Variants in ATP2B2 observed in about 807,000 individuals in gnomAD.
The protein encoded by ATP2B2 is plasma membrane calcium-transporting ATPase 2.
A neutral mutation model predicts 120.0 loss-of-function variants in ATP2B2; 15 were observed. That is an observed-to-expected ratio of 0.12 (90% confidence interval 0.08 to 0.19). The LOEUF (loss-of-function observed/expected upper bound fraction) is 0.19, where lower values mean the gene tolerates loss of function less well. Among genes scored for constraint, ATP2B2 ranks in the 10% least tolerant of loss-of-function variants. The pLI is 1.00. For missense variants in ATP2B2, 1,045 were observed against 1,719.8 expected (o/e 0.61, Z 6.94); for synonymous variants, 694 against 700.3 (o/e 0.99, Z 0.14).
chr3:10,411,969 C>T (rs1377521465), intron 2 of ATP2B2, among the ~76,000 whole-genome samples: 1 of 152,240 alleles, frequency 6.6e-6, no homozygotes, highest in Non-Finnish European at 1.5e-5. Context: ...CTCTCACGCA[C>T]CTGCTCAAAG....
chr3:10,330,489 C>G (rs910336801), intron 22 of ATP2B2, among the ~76,000 whole-genome samples: 1 of 152,226 alleles, frequency 6.6e-6, no homozygotes, highest in Non-Finnish European at 1.5e-5. Context: ...ACAAAGGTGC[C>G]TCCTCCTCTC....
intron 1 of ATP2B2, among the ~76,000 whole-genome samples, chr3:10,640,760 C>A (rs766831397): frequency 6.6e-6 from 1 of 152,034 alleles, no homozygotes; most frequent in Non-Finnish European, 1.5e-5. Context: ...TCCAGGCAGA[C>A]AAGAGTAACA....
chr3:10,422,229 T>C (rs1006510080), intron 2 of ATP2B2, among the ~76,000 whole-genome samples: 3 of 152,164 alleles, frequency 2.0e-5, no homozygotes, highest in African/African-American at 7.2e-5. Context: ...CACACATGGG[T>C]GGCCACGTGC....
At chr3:10,501,934 G>A (rs2066411904) in intron 1 of ATP2B2, among the ~76,000 whole-genome samples, 1 of 152,150 alleles carries the variant, frequency 6.6e-6, no homozygotes, top group African/African-American at 2.4e-5. Flanking sequence ...GTAGCCCCTG[G>A]GACCTCCTGA....
At chr3:10,531,624 A>G (rs933024188) in intron 3 of ATP2B2, among the ~76,000 whole-genome samples, 15 of 152,284 alleles carry the variant, frequency 9.9e-5, no homozygotes, top group East Asian at 5.8e-4. Flanking sequence ...TTCAACCAAC[A>G]TGGGTTGTAT....
chr3:10,634,380 C>T (rs1382187556), intron 1 of ATP2B2, among the ~76,000 whole-genome samples: 1 of 152,186 alleles, frequency 6.6e-6, no homozygotes, highest in Non-Finnish European at 1.5e-5. Flanking sequence ...CCCAAGGTGA[C>T]CCCACTGGGG....
chr3:10,574,173 A>G (rs531804364), intron 2 of ATP2B2, among the ~76,000 whole-genome samples: 1 of 152,008 alleles, frequency 6.6e-6, no homozygotes, highest in African/African-American at 2.4e-5. Flanking sequence ...ATTTTCTCCC[A>G]GTTTCTTTCT....
chr3:10,345,648 C>A, intron 17 of ATP2B2, 73 bp from the exon 18 acceptor site: 1 of 1,411,538 alleles, frequency 7.1e-7, no homozygotes. Flanking sequence ...ACCATCCTCA[C>A]TCCCTCCACT....
At chr3:10,685,648 C>A (rs1365921282) in intron 1 of ATP2B2, among the ~76,000 whole-genome samples, 2 of 152,230 alleles carry the variant, frequency 1.3e-5, no homozygotes, top group Non-Finnish European at 2.9e-5. Flanking sequence ...GTGGCTGCTT[C>A]CACCCAGAGG....
At chr3:10,584,198 T>C (rs2068455534) in intron 2 of ATP2B2, among the ~76,000 whole-genome samples, 1 of 151,970 alleles carries the variant, frequency 6.6e-6, no homozygotes, top group Non-Finnish European at 1.5e-5. Context: ...GCGGGAAAGC[T>C]CAGGGAAGGC....
At chr3:10,506,998 C>T (rs1035698405), upstream of ATP2B2, among the ~76,000 whole-genome samples, 10 of 152,236 alleles carry the variant, frequency 6.6e-5, no homozygotes, top group Admixed American at 2.6e-4. Context: ...GGTCTCCCAC[C>T]AGTAGGCCAT....
intron 1 of ATP2B2, among the ~76,000 whole-genome samples, chr3:10,483,003 CTG>C (rs1407405594): frequency 2.6e-5 from 4 of 152,216 alleles, no homozygotes; most frequent in African/African-American, 9.6e-5. Flanking sequence ...GATGAGGAAA[CTG>C]AGGCCCAGAG....
chr3:10,599,079 G>A (rs2068837256), intron 2 of ATP2B2, among the ~76,000 whole-genome samples: 1 of 152,206 alleles, frequency 6.6e-6, no homozygotes, highest in African/African-American at 2.4e-5. Context: ...ATTTTCCCAG[G>A]GGGAGCGGAA....
intron 8 of ATP2B2, among the ~76,000 whole-genome samples, chr3:10,381,100 T>A (rs1239419791): frequency 6.6e-6 from 1 of 152,192 alleles, no homozygotes; most frequent in East Asian, 1.9e-4. Flanking sequence ...TCTGGGTGAC[T>A]CAGAGGGGAG....
chr3:10,533,401 T>C (rs184147245), intron 3 of ATP2B2, among the ~76,000 whole-genome samples: 140 of 152,312 alleles, frequency 9.2e-4, no homozygotes, highest in South Asian at 2.7e-3. Flanking sequence ...TTTACATGAA[T>C]CATCTGCAAA....
intron 8 of ATP2B2, among the ~76,000 whole-genome samples, chr3:10,383,568 C>G (rs1042021998): frequency 3.3e-5 from 5 of 152,208 alleles, no homozygotes; most frequent in Admixed American, 3.3e-4. Flanking sequence ...CACTTTAGAG[C>G]CAGCCAGGTC....
intron 2 of ATP2B2, among the ~76,000 whole-genome samples, chr3:10,599,868 G>A (rs2068859812): frequency 6.6e-6 from 1 of 151,970 alleles, no homozygotes; most frequent in African/African-American, 2.4e-5. Context: ...TGATGGAGGA[G>A]GAACGTAGTA....
rs2061946213 is a variant in ATP2B2, at chr3:10,394,006, C to T, written c.782-5604G>A. Among the ~76,000 whole-genome samples, 7 of 152,174 alleles carry T rather than the reference C, an allele frequency of 4.6e-5. No homozygotes were observed. In the South Asian group the frequency reaches 1.2e-3, roughly 27 times the overall value. On this transcript the variant is annotated intron_variant, in intron 5 of 22. Coordinates refer to ENST00000360273, the MANE Select transcript of ATP2B2 (RefSeq NM_001001331.4). ...AGCAGAACTGGGAAGCCTCCTTTTACAAAATGGGGTTTCTGAGCCCAGATA... is the reference window on the plus strand; with the variant it reads ...AGCAGAACTGGGAAGCCTCCTTTTATAAAATGGGGTTTCTGAGCCCAGATA...
intron 1 of ATP2B2, among the ~76,000 whole-genome samples, chr3:10,696,628 CA>C (rs2071745671): frequency 6.6e-6 from 1 of 152,228 alleles, no homozygotes; most frequent in South Asian, 2.1e-4. Context: ...TTCACAGCAA[CA>C]AAGGCAGCCC....
Sources: allele counts gnomAD v4.1 joint callset (sites outside exome capture counted in the v4.1 genomes callset), GRCh38; gene constraint gnomAD v4.1.1; transcripts MANE v1.5; gene names NCBI Gene and HGNC (gene_info 2026-07-23, HGNC 2026-07-21).